NEGR1: variants seen among roughly 807,000 people sequenced by gnomAD.
The protein encoded by NEGR1 is IgLON family member 4.
In NEGR1, 10 loss-of-function variants were observed where a neutral mutation model predicts 40.9. The observed-to-expected ratio is 0.24, with a 90% CI of 0.15 to 0.42. The LOEUF (loss-of-function observed/expected upper bound fraction) is 0.42. Ranked by LOEUF, NEGR1 falls within the 10% of genes least tolerant of loss-of-function variation. The pLI, the probability that NEGR1 is intolerant of heterozygous loss-of-function variation, is 1.00. For synonymous variants in NEGR1, 185 were observed against 166.8 expected (o/e 1.11, Z -0.84); for missense variants, 352 against 438.9 (o/e 0.80, Z 1.77).
chr1:71,943,554 G>A lies in NEGR1; in HGVS notation c.177-8243C>T, dbSNP rs113337022. ...ATATGTCTGTGTTAGGAGGGGCCATGCCAAACAATTTTTACATGTAAAGGG... is the reference window on the plus strand; with the variant it reads ...ATATGTCTGTGTTAGGAGGGGCCATACCAAACAATTTTTACATGTAAAGGG... On this transcript the variant is annotated intron_variant, in intron 1 of 6. Transcript: ENST00000357731. 2.0e-3 allele frequency among the ~76,000 whole-genome samples: 298 copies of A among 152,096 alleles called. 1 individual carries two copies. The highest frequency in any genetic ancestry group is 6.8e-3 in the African/African-American group (283 of 41,514).
intron 6 of NEGR1, among the ~76,000 whole-genome samples, chr1:71,447,107 C>T (rs562334840): frequency 2.0e-5 from 3 of 152,186 alleles, no homozygotes; most frequent in East Asian, 3.8e-4. Context: ...GGAGAGGCAG[C>T]GGGCCTTACT....
chr1:72,171,302 A>C (rs1383717206), intron 1 of NEGR1, among the ~76,000 whole-genome samples: 1 of 152,210 alleles, frequency 6.6e-6, no homozygotes, highest in Non-Finnish European at 1.5e-5. Flanking sequence ...AGAATGCTAT[A>C]TCTCTCTAAA....
At chr1:71,438,404 A>AT (rs535954536) in intron 6 of NEGR1, among the ~76,000 whole-genome samples, 22 of 152,072 alleles carry the variant, frequency 1.4e-4, no homozygotes, top group African/African-American at 3.1e-4. Flanking sequence ...CAGAATCTTC[A>AT]TTTTTTTTGT....
At chr1:72,041,119 G>A (rs1171634338) in intron 1 of NEGR1, among the ~76,000 whole-genome samples, 1 of 151,978 alleles carries the variant, frequency 6.6e-6, no homozygotes, top group African/African-American at 2.4e-5. Context: ...GTTAAATTAA[G>A]CATAAAACAT....
intron 6 of NEGR1, among the ~76,000 whole-genome samples, chr1:71,427,116 C>G (rs1646433803): frequency 6.6e-6 from 1 of 152,180 alleles, no homozygotes; most frequent in Non-Finnish European, 1.5e-5. Context: ...TATGCATGCT[C>G]ACGTTGGAGA....
chr1:71,408,321 A>G (rs1007135317), intron 6 of NEGR1, among the ~76,000 whole-genome samples: 3 of 152,094 alleles, frequency 2.0e-5, no homozygotes, highest in Middle Eastern at 3.2e-3. Context: ...ACCTCTAGAC[A>G]GGTAGAATGA....
At chr1:71,665,460 G>A (rs544520575) in intron 4 of NEGR1, among the ~76,000 whole-genome samples, 63 of 152,276 alleles carry the variant, frequency 4.1e-4, no homozygotes, top group Middle Eastern at 3.4e-3. Flanking sequence ...GTTGGATCCT[G>A]CCATGTGACA....
intron 6 of NEGR1, among the ~76,000 whole-genome samples, chr1:71,433,024 C>A (rs1459077841): frequency 6.6e-6 from 1 of 152,164 alleles, no homozygotes; most frequent in Non-Finnish European, 1.5e-5. Context: ...GAAGTGGAAC[C>A]TTTTAGAATC....
intron 1 of NEGR1, among the ~76,000 whole-genome samples, chr1:72,040,001 TA>T (rs978574503): frequency 3.9e-5 from 6 of 151,976 alleles, no homozygotes; most frequent in African/African-American, 1.2e-4. Context: ...ACAGCTGTGA[TA>T]AAAAATACGT....
intron 3 of NEGR1, among the ~76,000 whole-genome samples, chr1:71,737,240 C>G (rs1401290141): frequency 1.3e-5 from 2 of 152,124 alleles, no homozygotes; most frequent in South Asian, 2.1e-4. Context: ...AAACTCTTAC[C>G]TTTGCTCAAC....
intron 6 of NEGR1, among the ~76,000 whole-genome samples, chr1:71,524,980 C>A (rs1647199314): frequency 1.3e-5 from 2 of 151,742 alleles, no homozygotes; most frequent in African/African-American, 2.4e-5. Flanking sequence ...CACAGCCCTG[C>A]TGACATCTTG....
chr1:72,206,353 G>A (rs1653397919), intron 1 of NEGR1, among the ~76,000 whole-genome samples: 1 of 151,990 alleles, frequency 6.6e-6, no homozygotes, highest in African/African-American at 2.4e-5. Flanking sequence ...GAAAATACCT[G>A]AACTAATAGC....
At chr1:71,535,457 T>C (rs761129292) in intron 6 of NEGR1, among the ~76,000 whole-genome samples, 13 of 151,756 alleles carry the variant, frequency 8.6e-5, no homozygotes, top group African/African-American at 2.9e-4. Flanking sequence ...TAGAAAGGCT[T>C]TTAAAAGAAT....
At chr1:71,915,449 G>A (rs1386812131) in intron 2 of NEGR1, among the ~76,000 whole-genome samples, 6 of 151,920 alleles carry the variant, frequency 3.9e-5, no homozygotes, top group South Asian at 2.1e-4. Flanking sequence ...CCTTTTCATC[G>A]GGTTATGAAT....
intron 3 of NEGR1, among the ~76,000 whole-genome samples, chr1:71,755,852 A>C (rs1344385075): frequency 6.6e-6 from 1 of 152,214 alleles, no homozygotes; most frequent in African/African-American, 2.4e-5. Flanking sequence ...ATTCTGGCAC[A>C]AAGTCTGACA....
chr1:72,096,589 A>C (rs1648706314), intron 1 of NEGR1, among the ~76,000 whole-genome samples: 1 of 152,116 alleles, frequency 6.6e-6, no homozygotes, highest in Non-Finnish European at 1.5e-5. Context: ...TGACATTTCA[A>C]AAAATAACTC....
intron 1 of NEGR1, among the ~76,000 whole-genome samples, chr1:72,213,652 G>A (rs950215869): frequency 6.6e-6 from 1 of 151,504 alleles, no homozygotes; most frequent in Non-Finnish European, 1.5e-5. Flanking sequence ...AATATTGCTA[G>A]TTACCCTCCC....
chr1:72,054,602 T>C (rs1293386190), intron 1 of NEGR1, among the ~76,000 whole-genome samples: 1 of 151,254 alleles, frequency 6.6e-6, no homozygotes. Flanking sequence ...GACAGACTTA[T>C]TTTGTAAAAT....
At chr1:72,053,712 G>C (rs1647084134) in intron 1 of NEGR1, among the ~76,000 whole-genome samples, 1 of 150,992 alleles carries the variant, frequency 6.6e-6, no homozygotes, top group African/African-American at 2.4e-5. Context: ...AGAAAAATGA[G>C]AAATGCTTAA....
Sources: gnomAD v4.1 joint callset for allele counts (sites outside exome capture counted in the v4.1 genomes callset) on GRCh38, gnomAD v4.1.1 for gene constraint, MANE v1.5 for transcripts, NCBI Gene and HGNC (gene_info 2026-07-23, HGNC 2026-07-21) for gene names.